Variants in NBEA observed in about 807,000 individuals in gnomAD.
NBEA encodes lysosomal-trafficking regulator 2.
In NBEA, 44 loss-of-function variants were observed where a neutral mutation model predicts 343.4. That is an observed-to-expected ratio of 0.13 (90% CI 0.10 to 0.16). The LOEUF (loss-of-function observed/expected upper bound fraction) is 0.16, where lower values mean the gene tolerates loss of function less well. NBEA is among the 10% of genes least tolerant of loss of function. NBEA has a pLI of 1.00. For synonymous variants in NBEA, 1,175 were observed against 1,238.7 expected (o/e 0.95, Z 1.08); for missense variants, 2,555 against 3,631.3 (o/e 0.70, Z 7.62).
At chr13:35,589,075 T>TG (rs2081410301) in intron 46 of NBEA, among the ~76,000 whole-genome samples, 1 of 152,134 alleles carries the variant, frequency 6.6e-6, no homozygotes, top group Admixed American at 6.6e-5. Context: ...TTGTTTATCT[T>TG]GAATACTGAG....
At position 35,472,479 on chromosome 13, in the gene NBEA, A is replaced by G. The variant is rs1447811839; in HGVS notation, c.6528A>G (p.Thr2176=). The change falls in exon 41 of 59, where the codon ACA becomes ACG. Residue 2176 remains threonine (T), a synonymous_variant. Transcript: ENST00000379939. ...VAKGTLSITT[T]EIYFEVDEDD... ...AGGGGACTCTCTCCATCACCACGAC[A>G]GAAATCTACTTCGAGGTAGATGAGG... The G allele has an allele frequency of 1.1e-5, 18 of 1,613,904 alleles. No individual in the cohort carries two copies. Among genetic ancestry groups the G allele is most frequent in the Non-Finnish European group, 1.4e-5 (16 of 1,179,908 alleles).
At chr13:35,265,649 C>T (rs1414824724) in intron 34 of NBEA, among the ~76,000 whole-genome samples, 1 of 151,828 alleles carries the variant, frequency 6.6e-6, no homozygotes, top group African/African-American at 2.4e-5. Context: ...GGAAAATTGG[C>T]TATCCATGTT....
chr13:35,567,099 T>C lies in NBEA; in HGVS notation c.7035+82T>C, dbSNP rs1373450978. ...TTTCTGTCAGAGTATATATAGCCAG[T>C]TAATGTTTGTAAGAAGGTGAAACTG... On this transcript the variant is annotated intron_variant, in intron 45 of 58. Transcript: ENST00000379939. The C allele has an allele frequency of 4.5e-6, 3 of 660,274 alleles. No homozygotes were observed. In the African/African-American group the frequency reaches 5.5e-5, roughly 12 times the overall value. 40.9% of individuals were successfully genotyped at this position (660,274 alleles called of 1,614,324 possible).
intron 34 of NBEA, among the ~76,000 whole-genome samples, chr13:35,271,833 C>T (rs553376191): frequency 2.0e-5 from 3 of 152,298 alleles, no homozygotes; most frequent in African/African-American, 7.2e-5. Flanking sequence ...ATGAACAAAG[C>T]TTCCAAGAAA....
chr13:35,301,043 T>TG (rs751591607), intron 35 of NBEA, among the ~76,000 whole-genome samples: 3 of 151,814 alleles, frequency 2.0e-5, no homozygotes, highest in Non-Finnish European at 3.0e-5. Flanking sequence ...TAACATTTTC[T>TG]GAGGAGGAAA....
chr13:35,339,262 CA>C (rs34209782), intron 36 of NBEA, among the ~76,000 whole-genome samples: 42 of 144,272 alleles, frequency 2.9e-4, no homozygotes, highest in Admixed American at 6.9e-4. Context: ...AAGAAACTAC[CA>C]AAAAAAAAAG....
chr13:34,956,054 C>T (rs1236648340), intron 1 of NBEA, among the ~76,000 whole-genome samples: 2 of 152,048 alleles, frequency 1.3e-5, no homozygotes, highest in Admixed American at 6.5e-5. Flanking sequence ...TTGTTATACC[C>T]ATTGCAGAAA....
rs375059920 is a variant in NBEA at position 34,955,826 on chromosome 13, G to A, written c.294+12712G>A. On this transcript the variant is annotated intron_variant, in intron 1 of 58. Coordinates refer to ENST00000379939, the MANE Select transcript of NBEA (RefSeq NM_001385012.1). Reference sequence around the variant, plus strand: ...TAGGCCTTCAACTGATTGGTTGAATGAGGCCCATCCACATTAGGGAGGGCA... The same window carrying A: ...TAGGCCTTCAACTGATTGGTTGAATAAGGCCCATCCACATTAGGGAGGGCA... 2.0e-5 allele frequency among the ~76,000 whole-genome samples: 3 copies of A among 152,194 alleles called. 1 individual carries two copies. The South Asian group carries it at 6.2e-4, about 32-fold the overall frequency.
At chr13:35,030,486 C>G (rs757126009) in intron 1 of NBEA, among the ~76,000 whole-genome samples, 7 of 151,472 alleles carry the variant, frequency 4.6e-5, no homozygotes, top group Non-Finnish European at 1.0e-4. Flanking sequence ...TATGTGTGAC[C>G]TTAGTCTTGT....
chr13:35,424,192 T>C lies in NBEA; in HGVS notation c.6180-8077T>C, dbSNP rs186599280. Among the ~76,000 whole-genome samples the C allele has an allele frequency of 1.4e-3, 213 of 152,290 alleles. 2 individuals are homozygous for C. Among genetic ancestry groups the C allele is most frequent in the African/African-American group, 4.8e-3 (199 of 41,584 alleles). On this transcript the variant is annotated intron_variant, in intron 38 of 58. Transcript: ENST00000379939. The stretch of plus-strand genomic sequence containing the variant: ...CCAGAACTTCCAACACATTGTTGAA[T>C]AGGAGTGGTGAGAGAGGGCATCCCT...
At chr13:35,358,944 T>TG (rs398070268) in intron 38 of NBEA, among the ~76,000 whole-genome samples, 2 of 151,810 alleles carry the variant, frequency 1.3e-5, no homozygotes, top group Admixed American at 6.6e-5. Flanking sequence ...ACAAAGACTC[T>TG]GGGCTTGAAA....
intron 38 of NBEA, among the ~76,000 whole-genome samples, chr13:35,426,817 C>A (rs1435768361): frequency 6.6e-6 from 1 of 152,104 alleles, no homozygotes; most frequent in Non-Finnish European, 1.5e-5. Context: ...TCACATAGTC[C>A]CATATTTCTT....
At chr13:34,949,013 T>G (rs911313968) in intron 1 of NBEA, among the ~76,000 whole-genome samples, 1 of 152,110 alleles carries the variant, frequency 6.6e-6, no homozygotes, top group African/African-American at 2.4e-5. Flanking sequence ...CGTGCTAAAG[T>G]TGGCAAGAGG....
At chr13:35,395,763 ATTAT>A (rs1213062191) in intron 38 of NBEA, among the ~76,000 whole-genome samples, 2 of 152,070 alleles carry the variant, frequency 1.3e-5, no homozygotes, top group South Asian at 2.1e-4. Context: ...TGATTGTGAG[ATTAT>A]TTATTCCTAT....
intron 39 of NBEA, among the ~76,000 whole-genome samples, chr13:35,449,282 A>G (rs1444944198): frequency 6.6e-6 from 1 of 152,188 alleles, no homozygotes; most frequent in African/African-American, 2.4e-5. Flanking sequence ...TATAAAAATC[A>G]CTCTGACAAA....
intron 1 of NBEA, among the ~76,000 whole-genome samples, chr13:34,981,289 C>T (rs1457463504): frequency 6.6e-6 from 1 of 152,112 alleles, no homozygotes; most frequent in Non-Finnish European, 1.5e-5. Context: ...TATCCATTTA[C>T]CAGTTTACGA....
chr13:35,279,426 T>A (rs188441134), intron 34 of NBEA, among the ~76,000 whole-genome samples: 24 of 152,290 alleles, frequency 1.6e-4, no homozygotes. Flanking sequence ...TTTGACTGAA[T>A]TAAAAATTAG....
chr13:35,555,999 A>G (rs2079555421), intron 44 of NBEA, among the ~76,000 whole-genome samples: 1 of 152,016 alleles, frequency 6.6e-6, no homozygotes, highest in Admixed American at 6.6e-5. Context: ...AAATGCGGGT[A>G]ATATAGATAT....
At chr13:35,433,375 T>C (rs971363637) in intron 39 of NBEA, among the ~76,000 whole-genome samples, 1 of 152,058 alleles carries the variant, frequency 6.6e-6, no homozygotes, top group Non-Finnish European at 1.5e-5. Context: ...TTTATTATAT[T>C]AATTTTCTTT....
Sources: allele counts gnomAD v4.1 joint callset (sites outside exome capture counted in the v4.1 genomes callset), GRCh38; gene constraint gnomAD v4.1.1; transcripts MANE v1.5; gene names NCBI Gene and HGNC (gene_info 2026-07-23, HGNC 2026-07-21).